The following STX7 variants were observed in gnomAD, a reference collection of about 807,000 sequenced individuals.
STX7 encodes the protein syntaxin 7, also known as syntaxin-7.
A neutral mutation model predicts 39.6 loss-of-function variants in STX7; 34 were observed. The observed-to-expected ratio is 0.86, with a 90% CI of 0.65 to 1.14. The LOEUF is 1.14. Among genes scored for constraint, STX7 ranks in the 50% most tolerant of loss-of-function variants. The pLI, the probability that STX7 is intolerant of heterozygous loss-of-function variation, is 0.00. For synonymous variants in STX7, 119 were observed against 99.1 expected, an observed-to-expected ratio of 1.20 and a Z score of -1.19; for missense variants, 284 against 310.4, an observed-to-expected ratio of 0.92 and a Z score of 0.64.
Position 132,454,949 on chromosome 6 carries a change from C to T in STX7, c.*5809G>A, listed in dbSNP as rs1284390672. ...TATGAGGCTGAACATTAAATCTGGC[C>T]CTGGGAAGAGGTTGGATGTGGCCTG... On this transcript the variant is annotated 3_prime_UTR_variant, in exon 10 of 10. Coordinates refer to ENST00000367941, the MANE Select transcript of STX7 (RefSeq NM_003569.3). 6.6e-6 allele frequency: 1 copy of T among 151,936 alleles called. No individual in the cohort carries two copies. The highest frequency in any genetic ancestry group is 1.5e-5 in the Non-Finnish European group (1 of 67,970). The allele number at this position is 151,936 out of a possible 1,614,324, so 9.4% of individuals were successfully genotyped here.
chr6:132,469,899 ACAAACTCACTAAGACCAGAG>A, intron 7 of STX7, 32 bp downstream of exon 7: 1 of 1,457,728 alleles, frequency 6.9e-7, no homozygotes, highest in Non-Finnish European at 9.3e-7. Context: ...CATCTTGAGA[ACAAACTCACTAAGACCAGAG>A]CAGCAGCCCA....
chr6:132,471,725 T>C, intron 4 of STX7, 125 bp from the exon 5 acceptor site: 1 of 1,082,738 alleles, frequency 9.2e-7, no homozygotes, highest in Middle Eastern at 2.9e-4. Context: ...GCCTTACAGA[T>C]TAACTCTCAG....
At chr6:132,468,513 C>G (rs1170020394) in intron 7 of STX7, 38 bp from the exon 8 acceptor site, 1 of 1,527,294 alleles carries the variant, frequency 6.5e-7, no homozygotes, top group Non-Finnish European at 8.9e-7. Flanking sequence ...ATCAGAAATT[C>G]AGTCCCCATT....
intron 2 of STX7, among the ~76,000 whole-genome samples, chr6:132,500,602 T>G (rs928612079): frequency 6.6e-6 from 1 of 152,208 alleles, no homozygotes; most frequent in African/African-American, 2.4e-5. Flanking sequence ...TCATTATTTC[T>G]CCTTACTACA....
At chr6:132,466,031 C>G (rs1427812725) in intron 8 of STX7, among the ~76,000 whole-genome samples, 1 of 152,236 alleles carries the variant, frequency 6.6e-6, no homozygotes, top group Non-Finnish European at 1.5e-5. Context: ...ACTGCATTCT[C>G]TGTTTCACTT....
Position 132,448,649 on chromosome 6 carries a change from A to T in STX7, c.*12109T>A, listed in dbSNP as rs754173449. The T allele has an allele frequency of 2.0e-5, 3 of 152,102 alleles. No homozygotes were observed. The highest frequency in any genetic ancestry group is 4.4e-5 in the Non-Finnish European group (3 of 68,066). 9.4% of individuals were successfully genotyped at this position (152,102 alleles called of 1,614,324 possible). On this transcript the variant is annotated 3_prime_UTR_variant, in exon 10 of 10. Coordinates refer to ENST00000367941, the MANE Select transcript of STX7 (RefSeq NM_003569.3). ...CAGGAGTTCGAGAACAGCCTGGCCA[A>T]CATGGCAAAATCACGTCTTTACTAA...
intron 8 of STX7, among the ~76,000 whole-genome samples, chr6:132,465,608 A>C (rs559845176): frequency 6.6e-6 from 1 of 152,280 alleles, no homozygotes; most frequent in South Asian, 2.1e-4. Context: ...CTTCTGAAAG[A>C]CTACGTCATA....
In STX7 at chr6:132,474,145, T is replaced by C. The variant is rs560360769; in HGVS notation, c.155+1448A>G. Among the ~76,000 whole-genome samples, 381 of 148,026 alleles carry C rather than the reference T, an allele frequency of 2.6e-3. 1 individual carries two copies. The highest frequency in any genetic ancestry group is 6.9e-3 in the Middle Eastern group (2 of 290). ...CAGTAGGCTGAGGTGGGAGAATCGA[T>C]TGAGCCTAGGAGGTCCAGGCTGCAG... is the stretch of plus-strand genomic sequence containing the variant. On this transcript the variant is annotated intron_variant, in intron 3 of 9. Transcript: ENST00000367941.
chr6:132,488,128 G>T (rs758341802), intron 2 of STX7, among the ~76,000 whole-genome samples: 1 of 151,944 alleles, frequency 6.6e-6, no homozygotes, highest in African/African-American at 2.4e-5. Context: ...CCTCTTTTTG[G>T]CTTTCTCTTT....
At chr6:132,491,626 A>G (rs2114442933) in intron 2 of STX7, among the ~76,000 whole-genome samples, 1 of 152,122 alleles carries the variant, frequency 6.6e-6, no homozygotes, top group East Asian at 1.9e-4. Flanking sequence ...TCCTTCCACC[A>G]TCCTGCTGGC....
At chr6:132,494,981 G>T (rs1174132447) in intron 2 of STX7, among the ~76,000 whole-genome samples, 1 of 152,128 alleles carries the variant, frequency 6.6e-6, no homozygotes, top group Non-Finnish European at 1.5e-5. Context: ...GACACAGACA[G>T]ATCTGACCGG....
chr6:132,485,143 GT>G (rs1160759707), intron 2 of STX7, among the ~76,000 whole-genome samples: 1 of 152,082 alleles, frequency 6.6e-6, no homozygotes, highest in African/African-American at 2.4e-5. Flanking sequence ...ACCCTCAAAA[GT>G]TTCCTTGTTG....
rs1774252831 is a variant in STX7 at position 132,456,678 on chromosome 6, T to A, written c.*4080A>T. ...GAGCCAATGCTTCTAAATTTTTCCA[T>A]CAAAGAATCTTTAATGAAAGTGAGG... On this transcript the variant is annotated 3_prime_UTR_variant, in exon 10 of 10. Coordinates refer to ENST00000367941, the MANE Select transcript of STX7 (RefSeq NM_003569.3). The A allele has an allele frequency of 6.6e-6, 1 of 152,226 alleles. No individual in the cohort carries two copies. The highest frequency in any genetic ancestry group is 1.5e-5 in the Non-Finnish European group (1 of 68,040). The allele number at this position is 152,226 out of a possible 1,614,324, so 9.4% of individuals were successfully genotyped here.
At chr6:132,460,915 CA>C (rs1197397914) in intron 9 of STX7, 65 bp from the exon 10 acceptor site, 1 of 1,351,454 alleles carries the variant, frequency 7.4e-7, no homozygotes, top group Non-Finnish European at 1.0e-6. Flanking sequence ...AGTACCTCTA[CA>C]GCAACTAAAA....
intron 9 of STX7, among the ~76,000 whole-genome samples, chr6:132,462,473 C>G (rs957497019): frequency 1.3e-5 from 2 of 152,068 alleles, no homozygotes; most frequent in African/African-American, 4.8e-5. Context: ...ACATTTCCCC[C>G]AAATCCAAAA....
chr6:132,499,011 A>C (rs374835013), intron 2 of STX7, among the ~76,000 whole-genome samples: 8 of 152,064 alleles, frequency 5.3e-5, no homozygotes, highest in Admixed American at 1.3e-4. Flanking sequence ...TTCCCATTTC[A>C]TTTAAGAACA....
Position 132,475,011 on chromosome 6 carries a change from T to A in STX7, c.155+582A>T, listed in dbSNP as rs114428592. On this transcript the variant is annotated intron_variant, in intron 3 of 9. Transcript: ENST00000367941. The stretch of plus-strand genomic sequence containing the variant: ...TTTTAGCTATGGAAAGTAAATCACA[T>A]AAATTGAGATACTAGAGTATAATTT... Among the ~76,000 whole-genome samples the A allele has an allele frequency of 7.3e-3, 1,118 of 152,144 alleles. 18 individuals carry two copies. Among genetic ancestry groups the A allele is most frequent in the African/African-American group, 0.025 (1,031 of 41,502 alleles).
Position 132,499,262 on chromosome 6 carries a change from A to T in STX7, c.85+4184T>A, listed in dbSNP as rs1024700595. Among the ~76,000 whole-genome samples, 22 of 152,356 alleles carry T rather than the reference A, an allele frequency of 1.4e-4. 1 individual carries two copies. The South Asian group carries it at 4.3e-3, about 30-fold the overall frequency. ...TCATAGCAGAGTCTGCTAGTTGCCT[A>T]CTAAATATTGATTCTCTCATCCTTC... is the stretch of plus-strand genomic sequence containing the variant. On this transcript the variant is annotated intron_variant, in intron 2 of 9. Coordinates refer to ENST00000367941, the MANE Select transcript of STX7 (RefSeq NM_003569.3).
intron 1 of STX7, among the ~76,000 whole-genome samples, chr6:132,507,326 GA>G (rs1775728725): frequency 6.6e-6 from 1 of 152,148 alleles, no homozygotes; most frequent in Non-Finnish European, 1.5e-5. Context: ...AATTTATTGA[GA>G]TATGGCAATA....
Sources: allele counts gnomAD v4.1 joint callset (sites outside exome capture counted in the v4.1 genomes callset), GRCh38; gene constraint gnomAD v4.1.1; transcripts MANE v1.5; gene names NCBI Gene and HGNC (gene_info 2026-07-23, HGNC 2026-07-21).